GOLGA5: variants seen among roughly 807,000 people sequenced by gnomAD.
The protein encoded by GOLGA5 is golgin subfamily A member 5.
In GOLGA5, 50 loss-of-function variants were observed where a neutral mutation model predicts 93.5. The observed-to-expected ratio is 0.53, with a 90% CI of 0.43 to 0.68. The LOEUF (loss-of-function observed/expected upper bound fraction) is 0.68. GOLGA5 is among the 30% of genes least tolerant of loss of function. GOLGA5 has a pLI of 0.00. For missense variants in GOLGA5, 760 were observed against 856.4 expected, an observed-to-expected ratio of 0.89 and a Z score of 1.40; for synonymous variants, 312 against 304.5, an observed-to-expected ratio of 1.02 and a Z score of -0.26.
chr14:92,823,798 G>C (rs1189071278), intron 8 of GOLGA5, among the ~76,000 whole-genome samples: 1 of 152,008 alleles, frequency 6.6e-6, no homozygotes, highest in East Asian at 1.9e-4. Context: ...TTTTGTTTTT[G>C]TTGAGATCAT....
At chr14:92,802,843 G>A (rs1884903007) in intron 2 of GOLGA5, among the ~76,000 whole-genome samples, 1 of 151,730 alleles carries the variant, frequency 6.6e-6, no homozygotes, top group Non-Finnish European at 1.5e-5. Flanking sequence ...ATAGTGCACT[G>A]CAGCCCCAAA....
At chr14:92,828,239 G>C (rs1344755702) in intron 9 of GOLGA5, among the ~76,000 whole-genome samples, 1 of 152,202 alleles carries the variant, frequency 6.6e-6, no homozygotes, top group Non-Finnish European at 1.5e-5. Flanking sequence ...AGGACGGGCT[G>C]ACTCTCTTGT....
At position 92,834,108 on chromosome 14, in the gene GOLGA5, G is replaced by A. The variant is rs189276530; in HGVS notation, c.1945+761G>A. Among the ~76,000 whole-genome samples the A allele has an allele frequency of 1.0e-3, 157 of 150,066 alleles. No individual in the cohort carries two copies. The East Asian group carries it at 0.013, about 12-fold the overall frequency. The stretch of plus-strand genomic sequence containing the variant: ...TAATGGCATAAATAAAAAGTGCCTC[G>A]CTTAAATTAATAAAATTTTCCTGAC... On this transcript the variant is annotated intron_variant, in intron 10 of 12. Coordinates refer to ENST00000163416, the MANE Select transcript of GOLGA5 (RefSeq NM_005113.4).
chr14:92,837,486 G>T (rs1046111390), intron 12 of GOLGA5, 37 bp downstream of exon 12: 1 of 834,528 alleles, frequency 1.2e-6, no homozygotes, highest in East Asian at 2.5e-5. Flanking sequence ...TGATGCACTT[G>T]ATTTTTAACT....
rs903276631 is a variant in GOLGA5, at chr14:92,797,365, T to A, written c.-30-43T>A. On this transcript the variant is annotated intron_variant, in intron 1 of 12. Coordinates refer to ENST00000163416, the MANE Select transcript of GOLGA5 (RefSeq NM_005113.4). ...GTCTGGTCTTAACCATTTATCATAC[T>A]CTGCCACTATGCCACACTGATCATT... 21 of 1,147,078 alleles carry A rather than the reference T, an allele frequency of 1.8e-5. No homozygotes were observed. The African/African-American group carries it at 3.1e-4, about 17-fold the overall frequency. 71.1% of individuals were successfully genotyped at this position (1,147,078 alleles called of 1,614,324 possible). A position where few individuals can be genotyped will look rare whatever the true frequency, so the allele number is the denominator to read the frequency against.
At chr14:92,800,234 T>G (rs997506962) in intron 2 of GOLGA5, among the ~76,000 whole-genome samples, 5 of 152,164 alleles carry the variant, frequency 3.3e-5, no homozygotes, top group African/African-American at 1.2e-4. Context: ...ATGTAGCAAT[T>G]AAGTATGGTC....
At position 92,811,620 on chromosome 14, in the gene GOLGA5, G is replaced by T; in HGVS notation, c.1186G>T (p.Ala396Ser). 1 of 1,613,056 alleles carries T rather than the reference G, an allele frequency of 6.2e-7. No homozygotes were observed. The highest frequency in any genetic ancestry group is 1.1e-5 in the South Asian group (1 of 91,010). The change falls in exon 6 of 13, where the codon GCC becomes TCC. Residue 396 changes from alanine to serine, a missense_variant. Transcript: ENST00000163416. ...GAATTTAGCAGAAGCAATTACACTG[G>T]CCGAAAGAAAATACTCAGATGAGAA... ...RQNLAEAITL[A>S]ERKYSDEKKR...
At chr14:92,818,234 GAAAGAATTGTAAATA>G (rs1344022116) in intron 7 of GOLGA5, among the ~76,000 whole-genome samples, 3 of 152,144 alleles carry the variant, frequency 2.0e-5, no homozygotes, top group Non-Finnish European at 2.9e-5. Flanking sequence ...CTAACAAAAT[GAAAGAATTGTAAATA>G]ATTACAATAG....
intron 10 of GOLGA5, among the ~76,000 whole-genome samples, chr14:92,834,184 C>CTTTTTTTTTTTT (rs35449807): frequency 4.8e-4 from 65 of 134,924 alleles, no homozygotes; most frequent in Middle Eastern, 4.1e-3. Flanking sequence ...TAGGTTTCAC[C>CTTTTTTTTTTTT]TTTTTTTTTT....
intron 9 of GOLGA5, among the ~76,000 whole-genome samples, chr14:92,830,313 G>A (rs556686112): frequency 6.6e-5 from 10 of 152,062 alleles, no homozygotes; most frequent in South Asian, 4.2e-4. Flanking sequence ...GCAAAACTCC[G>A]TCTCAAAAAC....
rs770922310 is a variant in GOLGA5 at position 92,819,691 on chromosome 14, A to G, written c.1492-17A>G. 3.7e-6 allele frequency: 6 copies of G among 1,610,594 alleles called. No homozygotes were observed. In the South Asian group the frequency reaches 6.6e-5, roughly 18 times the overall value. On this transcript the variant is annotated splice_polypyrimidine_tract_variant and intron_variant, in intron 7 of 12. Coordinates refer to ENST00000163416, the MANE Select transcript of GOLGA5 (RefSeq NM_005113.4). The stretch of plus-strand genomic sequence containing the variant: ...AATGTTAATTATTGCTTTTACATGT[A>G]AGCTTTTTCTCTTTAGGATATGGAG...
intron 8 of GOLGA5, among the ~76,000 whole-genome samples, chr14:92,820,106 T>G (rs979964131): frequency 4.6e-5 from 7 of 152,166 alleles, no homozygotes; most frequent in Non-Finnish European, 8.8e-5. Context: ...AGACCGGCGC[T>G]CAGCATACGG....
chr14:92,819,128 G>T (rs981005485), intron 7 of GOLGA5, among the ~76,000 whole-genome samples: 1 of 151,874 alleles, frequency 6.6e-6, no homozygotes, highest in African/African-American at 2.4e-5. Context: ...GATTTTTTTT[G>T]AAACTGTTAG....
chr14:92,815,764 C>T (rs1422081198), intron 6 of GOLGA5, among the ~76,000 whole-genome samples: 3 of 141,750 alleles, frequency 2.1e-5, no homozygotes, highest in Admixed American at 1.5e-4. Flanking sequence ...AGTGCGGTGG[C>T]GCGATCTCGG....
At chr14:92,804,239 A>C (rs2140314838) in intron 2 of GOLGA5, among the ~76,000 whole-genome samples, 1 of 151,976 alleles carries the variant, frequency 6.6e-6, no homozygotes, top group South Asian at 2.1e-4. Context: ...ATTATTTAAA[A>C]ATTTTTTGTA....
At chr14:92,831,811 A>C (rs1265841471) in intron 9 of GOLGA5, among the ~76,000 whole-genome samples, 1 of 151,996 alleles carries the variant, frequency 6.6e-6, no homozygotes, top group East Asian at 1.9e-4. Flanking sequence ...AAGGATTCAT[A>C]AGAAAGGAAG....
chr14:92,829,457 C>A (rs1449615541), intron 9 of GOLGA5, among the ~76,000 whole-genome samples: 3 of 151,992 alleles, frequency 2.0e-5, no homozygotes. Context: ...CTGATTCCAG[C>A]CCTCAAGGAT....
In GOLGA5 at chr14:92,823,154, C is replaced by T. The variant is rs1885348996; in HGVS notation, c.1621-1392C>T. ...TTACTCTGATGTGTGAGGTGAGCTA[C>T]AGATCCAACCTAATTTTCTTCCATA... On this transcript the variant is annotated intron_variant, in intron 8 of 12. Coordinates refer to ENST00000163416, the MANE Select transcript of GOLGA5 (RefSeq NM_005113.4). Among the ~76,000 whole-genome samples the T allele has an allele frequency of 5.3e-5, 8 of 152,132 alleles. No homozygotes were observed. The South Asian group carries it at 1.7e-3, about 32-fold the overall frequency.
At position 92,803,485 on chromosome 14, in the gene GOLGA5, T is replaced by G. The variant is rs147486962; in HGVS notation, c.545-3251T>G. 6.6e-5 allele frequency among the ~76,000 whole-genome samples: 10 copies of G among 152,348 alleles called. No homozygotes were observed. The East Asian group carries it at 1.9e-3, about 29-fold the overall frequency. ...TGTAAGACTGAGATTATTTATTTCC[T>G]GAACGTTTGCTAGAACTCTGTGCTA... On this transcript the variant is annotated intron_variant, in intron 2 of 12. Transcript: ENST00000163416.
Sources: allele counts gnomAD v4.1 joint callset (sites outside exome capture counted in the v4.1 genomes callset), GRCh38; gene constraint gnomAD v4.1.1; transcripts MANE v1.5; gene names NCBI Gene and HGNC (gene_info 2026-07-23, HGNC 2026-07-21).